Variants in TENM4 observed in about 807,000 individuals in gnomAD.
TENM4 encodes teneurin-4.
In TENM4, 82 loss-of-function variants were observed where a neutral mutation model predicts 243.3. The ratio of observed to expected loss-of-function variants is 0.34; its 90% CI spans 0.28 to 0.40. The LOEUF (loss-of-function observed/expected upper bound fraction) is 0.40, where lower values mean the gene tolerates loss of function less well. TENM4 is among the 10% of genes least tolerant of loss of function. The probability of loss-of-function intolerance (pLI) is 1.00; values close to 1 mark genes in which losing one functional copy is unlikely to be tolerated. For synonymous variants in TENM4, 1,412 were observed against 1,456.3 expected (o/e 0.97, Z 0.69); for missense variants, 3,138 against 3,673.3 (o/e 0.85, Z 3.77).
At chr11:78,977,680 C>T (rs1044578778) in intron 6 of TENM4, among the ~76,000 whole-genome samples, 7 of 152,136 alleles carry the variant, frequency 4.6e-5, no homozygotes, top group Non-Finnish European at 8.8e-5. Flanking sequence ...GTTAGAATGG[C>T]GATCATTAAA....
intron 3 of TENM4, among the ~76,000 whole-genome samples, chr11:79,153,072 C>G (rs1482790403): frequency 6.6e-6 from 1 of 152,162 alleles, no homozygotes; most frequent in Non-Finnish European, 1.5e-5. Context: ...ATAGGCAGTA[C>G]TAAAGGATGA....
intron 1 of TENM4, among the ~76,000 whole-genome samples, chr11:79,377,826 T>C (rs1444400445): frequency 6.6e-6 from 1 of 152,130 alleles, no homozygotes; most frequent in Non-Finnish European, 1.5e-5. Context: ...TGGAAAGCTA[T>C]AACGTCCTAG....
chr11:78,981,399 A>T (rs1857791230), intron 6 of TENM4, among the ~76,000 whole-genome samples: 1 of 152,198 alleles, frequency 6.6e-6, no homozygotes, highest in Non-Finnish European at 1.5e-5. Context: ...CATTTGTAGC[A>T]GCCACTCTTG....
intron 12 of TENM4, among the ~76,000 whole-genome samples, chr11:78,829,030 C>A (rs1353979228): frequency 6.6e-6 from 1 of 152,226 alleles, no homozygotes. Context: ...TTTGGTGCTC[C>A]TACACTCAGC....
intron 5 of TENM4, 130 bp from the exon 6 acceptor site, chr11:79,065,137 C>A: frequency 7.3e-7 from 1 of 1,362,210 alleles, no homozygotes; most frequent in African/African-American, 1.5e-5. Flanking sequence ...ATTCTATGCC[C>A]ATGCCTTTGT....
chr11:78,932,848 T>C (rs1856698623), intron 6 of TENM4, among the ~76,000 whole-genome samples: 1 of 152,218 alleles, frequency 6.6e-6, no homozygotes, highest in Non-Finnish European at 1.5e-5. Flanking sequence ...ATGCCACTGC[T>C]GATCTGACAG....
chr11:79,250,228 C>T (rs1855586715), intron 2 of TENM4, among the ~76,000 whole-genome samples: 2 of 152,242 alleles, frequency 1.3e-5, no homozygotes, highest in South Asian at 2.1e-4. Flanking sequence ...CTCAAGTGAT[C>T]TGCCTGCCTC....
chr11:79,070,059 C>T (rs755112923), intron 4 of TENM4, 50 bp from the exon 5 acceptor site: 17 of 1,457,870 alleles, frequency 1.2e-5, no homozygotes, highest in African/African-American at 4.3e-5. Flanking sequence ...AGAACATTCC[C>T]GGGTTCATCC....
At position 78,694,724 on chromosome 11, in the gene TENM4, T is replaced by G. The variant is rs887635406; in HGVS notation, c.5088-6498A>C. 2.6e-5 allele frequency among the ~76,000 whole-genome samples: 4 copies of G among 152,224 alleles called. No homozygotes were observed. The East Asian group carries it at 7.7e-4, about 29-fold the overall frequency. Reference sequence around the variant, plus strand: ...CCCAGAGCAGCTGACCCCTGCAGACTGTGTCACTGGGGCACTCTGGCTGGC... The same window carrying G: ...CCCAGAGCAGCTGACCCCTGCAGACGGTGTCACTGGGGCACTCTGGCTGGC... On this transcript the variant is annotated intron_variant, in intron 28 of 33. Coordinates refer to ENST00000278550, the MANE Select transcript of TENM4 (RefSeq NM_001098816.3).
chr11:79,014,066 G>A (rs55694125), intron 6 of TENM4, among the ~76,000 whole-genome samples: 17,118 of 152,200 alleles, frequency 0.11, 2,866 homozygotes, highest in African/African-American at 0.37. Flanking sequence ...CTTGTTATCT[G>A]TATCCTCAGA....
intron 6 of TENM4, among the ~76,000 whole-genome samples, chr11:78,981,988 T>G (rs759789146): frequency 1.3e-5 from 2 of 152,160 alleles, no homozygotes; most frequent in Non-Finnish European, 2.9e-5. Context: ...GGTCAGGACT[T>G]GCCACAGGGT....
chr11:78,692,983 GTTCT>G (rs1360434522), intron 28 of TENM4, among the ~76,000 whole-genome samples: 1 of 152,012 alleles, frequency 6.6e-6, no homozygotes, highest in Non-Finnish European at 1.5e-5. Context: ...TTATTTATTT[GTTCT>G]TTGTTTTCTG....
intron 5 of TENM4, among the ~76,000 whole-genome samples, chr11:79,065,981 G>A (rs980862027): frequency 6.6e-6 from 1 of 152,194 alleles, no homozygotes; most frequent in Non-Finnish European, 1.5e-5. Context: ...GTCAGTAAGG[G>A]TCAGATCCCA....
intron 26 of TENM4, 87 bp from the exon 27 acceptor site, chr11:78,708,602 A>C: frequency 6.9e-7 from 1 of 1,458,008 alleles, no homozygotes. Flanking sequence ...CTGACAGAGC[A>C]CCTCCTCTAC....
intron 9 of TENM4, among the ~76,000 whole-genome samples, chr11:78,868,990 G>A (rs1303447168): frequency 2.0e-5 from 3 of 151,930 alleles, no homozygotes; most frequent in Non-Finnish European, 4.4e-5. Context: ...CTAATGGGGT[G>A]AAAAACTAAA....
At chr11:78,804,135 G>T (rs1464135075) in intron 15 of TENM4, among the ~76,000 whole-genome samples, 1 of 152,206 alleles carries the variant, frequency 6.6e-6, no homozygotes, top group Non-Finnish European at 1.5e-5. Context: ...TAAACAGCGT[G>T]GAGTGCCGAG....
At chr11:79,017,612 G>A (rs11237688) in intron 6 of TENM4, among the ~76,000 whole-genome samples, 1 of 152,056 alleles carries the variant, frequency 6.6e-6, no homozygotes, top group East Asian at 1.9e-4. Context: ...CTAATACTTT[G>A]TAACTACATA....
chr11:78,708,301 G>T, intron 27 of TENM4, 60 bp downstream of exon 27: 1 of 1,601,540 alleles, frequency 6.2e-7, no homozygotes. Context: ...AGGCTGGCTG[G>T]GTGGCAGATG....
At chr11:79,058,346 A>C (rs1454574826) in intron 6 of TENM4, among the ~76,000 whole-genome samples, 1 of 152,154 alleles carries the variant, frequency 6.6e-6, no homozygotes, top group Non-Finnish European at 1.5e-5. Context: ...GATCGAGACC[A>C]TCCTGGCTAA....
Sources: allele counts gnomAD v4.1 joint callset (sites outside exome capture counted in the v4.1 genomes callset), GRCh38; gene constraint gnomAD v4.1.1; transcripts MANE v1.5; gene names NCBI Gene and HGNC (gene_info 2026-07-23, HGNC 2026-07-21).